Variants in AKAP12 observed in about 807,000 individuals in gnomAD.
AKAP12 encodes A-kinase anchoring protein 12.
A neutral mutation model predicts 79.9 loss-of-function variants in AKAP12; 32 were observed. The ratio of observed to expected loss-of-function variants is 0.40; its 90% CI spans 0.30 to 0.54. The LOEUF (loss-of-function observed/expected upper bound fraction) is 0.54. Among genes scored for constraint, AKAP12 ranks in the 20% least tolerant of loss-of-function variants. The pLI is 0.48. For synonymous variants in AKAP12, 808 were observed against 857.0 expected (o/e 0.94, Z 1.00); for missense variants, 2,074 against 2,177.0 (o/e 0.95, Z 0.94).
intron 2 of AKAP12, among the ~76,000 whole-genome samples, chr6:151,293,997 C>T (rs960946994): frequency 1.1e-4 from 17 of 148,068 alleles, no homozygotes; most frequent in East Asian, 4.0e-4. Flanking sequence ...TTTTTTGAGG[C>T]GAGGTCTTGC....
intron 2 of AKAP12, among the ~76,000 whole-genome samples, chr6:151,252,862 A>C (rs1285511009): frequency 6.6e-6 from 1 of 152,182 alleles, no homozygotes; most frequent in African/African-American, 2.4e-5. Flanking sequence ...GTGCACCTAA[A>C]AAATGAAAGA....
intron 2 of AKAP12, among the ~76,000 whole-genome samples, chr6:151,250,668 C>T (rs566646584): frequency 6.7e-6 from 1 of 149,828 alleles, no homozygotes; most frequent in Non-Finnish European, 1.5e-5. Flanking sequence ...TGCAGTGGCG[C>T]GATCTCGGCT....
chr6:151,272,612 T>G (rs1001313343), intron 2 of AKAP12, among the ~76,000 whole-genome samples: 1 of 152,108 alleles, frequency 6.6e-6, no homozygotes, highest in African/African-American at 2.4e-5. Flanking sequence ...CTCGGCTCAC[T>G]GCAACCTCTG....
At chr6:151,242,026 A>G (rs1796986725) in intron 2 of AKAP12, among the ~76,000 whole-genome samples, 1 of 152,164 alleles carries the variant, frequency 6.6e-6, no homozygotes. Flanking sequence ...AGGTTTTTCT[A>G]AGAGATGCTT....
chr6:151,257,140 A>G (rs1797318302), intron 2 of AKAP12, among the ~76,000 whole-genome samples: 1 of 151,978 alleles, frequency 6.6e-6, no homozygotes. Context: ...TTGGGGTACA[A>G]TTGATCCCAT....
At chr6:151,306,444 A>G (rs1776980291) in intron 3 of AKAP12, among the ~76,000 whole-genome samples, 1 of 152,186 alleles carries the variant, frequency 6.6e-6, no homozygotes, top group African/African-American at 2.4e-5. Context: ...TGAGGTCAGA[A>G]TTGAGAGCAT....
At chr6:151,319,821 G>C (rs1022125159) in intron 3 of AKAP12, 1 of 153,916 alleles carries the variant, frequency 6.5e-6, no homozygotes, top group Non-Finnish European at 1.5e-5. Context: ...TTCGGTCAAG[G>C]GTGTACAAGT....
chr6:151,352,150 A>T lies in AKAP12; in HGVS notation c.3759A>T (p.Glu1253Asp). 6.2e-7 allele frequency: 1 copy of T among 1,614,196 alleles called. No homozygotes were observed. Among genetic ancestry groups the T allele is most frequent in the Non-Finnish European group, 8.5e-7 (1 of 1,180,036 alleles). ...ATACAGATAAAGAGGTGTCAGTGGA[A>T]ACTGTATCCATTCTGTCAAAGACTG... ...LEHTDKEVSV[E>D]TVSILSKTEG... is the part of the protein sequence containing the mutation. The change falls in exon 4 of 5, where the codon GAA (glutamate) becomes GAT (aspartate). Residue 1253 changes from glutamate to aspartate, a missense_variant. Transcript: ENST00000402676.
chr6:151,313,738 C>T (rs962389081), intron 3 of AKAP12, among the ~76,000 whole-genome samples: 5 of 152,170 alleles, frequency 3.3e-5, no homozygotes, highest in African/African-American at 1.2e-4. Flanking sequence ...CGTAAATCAA[C>T]TAATTCTAGG....
intron 2 of AKAP12, among the ~76,000 whole-genome samples, chr6:151,297,656 C>T (rs999472359): frequency 1.3e-5 from 2 of 151,640 alleles, no homozygotes; most frequent in Admixed American, 6.6e-5. Flanking sequence ...GGCCATGTTA[C>T]GTGTAGCCGT....
At chr6:151,312,212 G>A (rs530768464) in intron 3 of AKAP12, among the ~76,000 whole-genome samples, 19 of 152,170 alleles carry the variant, frequency 1.2e-4, no homozygotes, top group South Asian at 2.1e-4. Flanking sequence ...GACTTACAAC[G>A]GTAATCCCAG....
intron 2 of AKAP12, among the ~76,000 whole-genome samples, chr6:151,281,225 A>G (rs1776401259): frequency 2.0e-5 from 3 of 152,158 alleles, no homozygotes; most frequent in South Asian, 2.1e-4. Context: ...TACAAACTGG[A>G]TGAAGGTTGC....
intron 3 of AKAP12, among the ~76,000 whole-genome samples, chr6:151,308,562 A>G (rs1358586518): frequency 6.6e-6 from 1 of 152,028 alleles, no homozygotes; most frequent in East Asian, 1.9e-4. Context: ...CTTGACCTCT[A>G]GGAAAAAAGA....
rs1319742006 is a variant in AKAP12 at position 151,350,771 on chromosome 6, C to G, written c.2380C>G (p.Pro794Ala). 26 of 1,614,030 alleles carry G rather than the reference C, an allele frequency of 1.6e-5. No individual in the cohort carries two copies. Among genetic ancestry groups the G allele is most frequent in the Non-Finnish European group, 2.1e-5 (25 of 1,179,982 alleles). The change falls in exon 4 of 5, where the codon CCA becomes GCA. Residue 794 changes from proline to alanine, a missense_variant. This residue lies in a region of AKAP12 where 1,428 missense variants were observed against 1,451.0 expected (regional missense o/e 0.98). Transcript: ENST00000402676. The surrounding 1 kb of genome is among the most constrained non-coding windows in gnomAD (Gnocchi z 4.8). ...IAGSGVEHST[P>A]DTEPGKEESW... The stretch of plus-strand genomic sequence containing the variant: ...TGGGTCTGGTGTAGAACATTCCACT[C>G]CAGACACTGAACCCGGTAAAGAAGA...
intron 3 of AKAP12, 31 bp from the exon 4 acceptor site, chr6:151,348,680 T>TCCCCCCCCCCCCCC: frequency 2.8e-6 from 1 of 355,200 alleles, no homozygotes; most frequent in Non-Finnish European, 5.5e-6. Flanking sequence ...TTTTCTCTTC[T>TCCCCCCCCCCCCCC]CCCCACCCCC....
chr6:151,296,680 A>G (rs1272710208), intron 2 of AKAP12, among the ~76,000 whole-genome samples: 2 of 152,176 alleles, frequency 1.3e-5, no homozygotes, highest in East Asian at 3.9e-4. Context: ...AGGAGGCTGA[A>G]ACGGGAGAAT....
At chr6:151,274,320 C>T (rs963350137) in intron 2 of AKAP12, among the ~76,000 whole-genome samples, 3 of 152,142 alleles carry the variant, frequency 2.0e-5, no homozygotes, top group Non-Finnish European at 2.9e-5. Flanking sequence ...CTCAAGCAAT[C>T]CACCTGCCTT....
chr6:151,292,920 A>G (rs1013199656), intron 2 of AKAP12, among the ~76,000 whole-genome samples: 1 of 152,196 alleles, frequency 6.6e-6, no homozygotes, highest in African/African-American at 2.4e-5. Flanking sequence ...TTTAGCCACT[A>G]CGTATTTCTC....
chr6:151,314,637 C>T (rs1162357531), intron 3 of AKAP12, among the ~76,000 whole-genome samples: 1 of 152,160 alleles, frequency 6.6e-6, no homozygotes, highest in Non-Finnish European at 1.5e-5. Flanking sequence ...GAGATGTTAC[C>T]TATAAATCTC....
Sources: gnomAD v4.1 joint callset for allele counts (sites outside exome capture counted in the v4.1 genomes callset) on GRCh38, gnomAD v4.1.1 for gene constraint, gnomAD v4.1.1 regional missense constraint, Gnocchi (gnomAD v3.1) non-coding constraint, MANE v1.5 for transcripts, NCBI Gene and HGNC (gene_info 2026-07-23, HGNC 2026-07-21) for gene names.